CORIN: variants seen among roughly 807,000 people sequenced by gnomAD.
CORIN encodes the protein corin, serine peptidase.
CORIN carries 117 observed loss-of-function variants against 125.3 expected under a neutral mutation model. That is an observed-to-expected ratio of 0.93 (90% confidence interval 0.80 to 1.09). The LOEUF (loss-of-function observed/expected upper bound fraction) is 1.09. CORIN is among the 50% of genes least tolerant of loss of function. CORIN has a pLI of 0.00. For synonymous variants in CORIN, 450 were observed against 466.4 expected (o/e 0.96, Z 0.45); for missense variants, 1,253 against 1,306.7 (o/e 0.96, Z 0.63).
intron 19 of CORIN, among the ~76,000 whole-genome samples, chr4:47,606,584 G>A (rs1040293878): frequency 9.2e-5 from 14 of 152,032 alleles, no homozygotes; most frequent in African/African-American, 2.4e-4. Context: ...ACATAAAGCC[G>A]TCACTAGAAG....
At chr4:47,783,446 T>G (rs994944971) in intron 3 of CORIN, among the ~76,000 whole-genome samples, 2 of 152,118 alleles carry the variant, frequency 1.3e-5, no homozygotes, top group African/African-American at 4.8e-5. Flanking sequence ...CTTTACAAAA[T>G]GCAGGATTCT....
chr4:47,831,747 A>G (rs994587776), intron 1 of CORIN, among the ~76,000 whole-genome samples: 2 of 152,042 alleles, frequency 1.3e-5, no homozygotes, highest in African/African-American at 4.8e-5. Flanking sequence ...TGTCTCCAAA[A>G]TATATGTTCA....
chr4:47,702,714 C>G (rs575214762), intron 5 of CORIN, among the ~76,000 whole-genome samples: 1 of 151,762 alleles, frequency 6.6e-6, no homozygotes, highest in South Asian at 2.1e-4. Flanking sequence ...ATCCTGAGAA[C>G]CAGAAATAGA....
At chr4:47,735,902 G>A (rs1409115468) in intron 5 of CORIN, among the ~76,000 whole-genome samples, 1 of 148,924 alleles carries the variant, frequency 6.7e-6, no homozygotes, top group African/African-American at 2.5e-5. Context: ...CTCCAGCCTG[G>A]GCGACAGAGA....
intron 3 of CORIN, among the ~76,000 whole-genome samples, chr4:47,780,351 G>T (rs1730482920): frequency 6.6e-6 from 1 of 151,886 alleles, no homozygotes; most frequent in Non-Finnish European, 1.5e-5. Context: ...AGGAATTTAT[G>T]CAAAAATGGG....
intron 4 of CORIN, among the ~76,000 whole-genome samples, chr4:47,745,501 TA>T (rs1244993257): frequency 6.6e-6 from 1 of 152,252 alleles, no homozygotes; most frequent in Non-Finnish European, 1.5e-5. Context: ...ATTAGATATG[TA>T]ACAAACCTTA....
At chr4:47,605,380 G>A (rs1322429091) in intron 19 of CORIN, among the ~76,000 whole-genome samples, 2 of 152,048 alleles carry the variant, frequency 1.3e-5, no homozygotes, top group African/African-American at 2.4e-5. Flanking sequence ...TTTAATGATG[G>A]CTCAATGAAT....
chr4:47,615,063 T>C (rs1722022440), intron 19 of CORIN, among the ~76,000 whole-genome samples: 1 of 152,202 alleles, frequency 6.6e-6, no homozygotes, highest in African/African-American at 2.4e-5. Flanking sequence ...AGTAGTTTTA[T>C]GACTCTATGA....
intron 5 of CORIN, among the ~76,000 whole-genome samples, chr4:47,730,270 C>T (rs187840159): frequency 6.6e-6 from 1 of 151,978 alleles, no homozygotes; most frequent in African/African-American, 2.4e-5. Flanking sequence ...GTCAGGAGTT[C>T]GAGACCAGCC....
intron 3 of CORIN, among the ~76,000 whole-genome samples, chr4:47,775,421 A>G (rs902304485): frequency 2.6e-5 from 4 of 151,554 alleles, no homozygotes; most frequent in African/African-American, 7.3e-5. Flanking sequence ...TCCTGTGTCC[A>G]AGTGTTCTCA....
intron 5 of CORIN, among the ~76,000 whole-genome samples, chr4:47,734,025 T>C (rs1728008589): frequency 6.6e-6 from 1 of 151,902 alleles, no homozygotes; most frequent in South Asian, 2.1e-4. Context: ...GCGGCGGGTA[T>C]TAATAAGGAT....
chr4:47,712,188 G>T, intron 5 of CORIN, among the ~76,000 whole-genome samples: 1 of 151,874 alleles, frequency 6.6e-6, no homozygotes, highest in Admixed American at 6.6e-5. Context: ...TATTAAACCG[G>T]CATCATAATA....
intron 3 of CORIN, among the ~76,000 whole-genome samples, chr4:47,775,737 T>C (rs1730268416): frequency 1.3e-5 from 2 of 152,164 alleles, no homozygotes; most frequent in Non-Finnish European, 2.9e-5. Flanking sequence ...TTGACAGCGT[T>C]TGATGTGTCC....
chr4:47,761,195 T>G (rs189072822), intron 4 of CORIN, among the ~76,000 whole-genome samples: 1 of 152,352 alleles, frequency 6.6e-6, no homozygotes, highest in Admixed American at 6.5e-5. Context: ...GGCTAACTGT[T>G]GGGTGCAAGA....
chr4:47,744,464 T>G lies in CORIN; in HGVS notation c.737A>C (p.Gln246Pro), dbSNP rs775059988. Residue 246 changes from glutamine (Q) to proline (P), a missense_variant, in exon 5 of 22, where the codon CAA (glutamine) becomes CCA (proline). Physicochemically the swap from Gln to Pro is moderately conservative, Grantham distance 76. Coordinates refer to ENST00000273857, the MANE Select transcript of CORIN (RefSeq NM_006587.4). ...DFLRCSQFRN[Q>P]TESSNVSRIC... ...TCTGCTGACATTGCTGCTTTCAGTTTGGTTTCTAAACTGGGAGCATCTGAG... is the reference window on the plus strand; with the variant it reads ...TCTGCTGACATTGCTGCTTTCAGTTGGGTTTCTAAACTGGGAGCATCTGAG... 1 of 1,614,192 alleles carries G rather than the reference T, an allele frequency of 6.2e-7. No homozygotes were observed. Among genetic ancestry groups the G allele is most frequent in the South Asian group, 1.1e-5 (1 of 91,080 alleles).
At chr4:47,605,862 C>T (rs938354009) in intron 19 of CORIN, among the ~76,000 whole-genome samples, 4 of 152,020 alleles carry the variant, frequency 2.6e-5, no homozygotes, top group East Asian at 3.8e-4. Flanking sequence ...GCCAAAGATT[C>T]GAAAGGCTGA....
At chr4:47,775,649 G>A (rs116424505) in intron 3 of CORIN, among the ~76,000 whole-genome samples, 1,830 of 152,220 alleles carry the variant, frequency 0.012, 41 homozygotes, top group African/African-American at 0.041. Context: ...AGGTGCTGAG[G>A]GTGGATGGAG....
At chr4:47,734,392 C>T (rs544575269) in intron 5 of CORIN, among the ~76,000 whole-genome samples, 1 of 152,130 alleles carries the variant, frequency 6.6e-6, no homozygotes, top group African/African-American at 2.4e-5. Context: ...TCCACAGTGC[C>T]GAATATCTTC....
intron 4 of CORIN, among the ~76,000 whole-genome samples, chr4:47,760,886 A>G (rs1729415777): frequency 6.6e-6 from 1 of 152,208 alleles, no homozygotes; most frequent in Non-Finnish European, 1.5e-5. Context: ...CATCTTGCAC[A>G]TTTATGTCAT....
Sources: gnomAD v4.1 joint callset for allele counts (sites outside exome capture counted in the v4.1 genomes callset) on GRCh38, gnomAD v4.1.1 for gene constraint, MANE v1.5 for transcripts, NCBI Gene and HGNC (gene_info 2026-07-23, HGNC 2026-07-21) for gene names.